The following CACNG3 variants were observed in gnomAD, a reference collection of about 807,000 sequenced individuals.
CACNG3 encodes the protein calcium voltage-gated channel auxiliary subunit gamma 3.
Under a neutral mutation model 28.5 loss-of-function variants are expected in CACNG3, and 3 were observed. The ratio of observed to expected loss-of-function variants is 0.11; its 90% CI spans 0.05 to 0.27. The LOEUF (loss-of-function observed/expected upper bound fraction) is 0.27. CACNG3 is among the 10% of genes least tolerant of loss of function. The probability of loss-of-function intolerance (pLI) is 1.00; values close to 1 mark genes in which losing one functional copy is unlikely to be tolerated. For synonymous variants in CACNG3, 174 were observed against 162.2 expected (o/e 1.07, Z -0.55); for missense variants, 236 against 414.4 (o/e 0.57, Z 3.74).
At chr16:24,360,520 A>T (rs776822172) in intron 3 of CACNG3, among the ~76,000 whole-genome samples, 15 of 152,224 alleles carry the variant, frequency 9.9e-5, no homozygotes, top group Non-Finnish European at 1.9e-4. Flanking sequence ...TCCTGTGCAG[A>T]TGAAAAGACT....
chr16:24,349,486 C>T (rs1008734485), intron 2 of CACNG3, among the ~76,000 whole-genome samples: 3 of 152,078 alleles, frequency 2.0e-5, no homozygotes, highest in African/African-American at 4.8e-5. Flanking sequence ...AAACAGGAGG[C>T]GAATTATTCA....
rs944447152 is a variant in CACNG3, at chr16:24,306,720, C to A, written c.212-40014C>A. ...ACTATCCCAGGCACAATAATAATAA[C>A]CTCTGCTTGCACTGCCATGCTAGAG... On this transcript the variant is annotated intron_variant, in intron 1 of 3. Transcript: ENST00000005284. 1.5e-4 allele frequency among the ~76,000 whole-genome samples: 23 copies of A among 152,262 alleles called. 3 individuals carry two copies. Among genetic ancestry groups the A allele is most frequent in the East Asian group, 9.7e-4 (5 of 5,178 alleles).
chr16:24,310,368 A>AG (rs142004422), intron 1 of CACNG3, among the ~76,000 whole-genome samples: 3,056 of 152,306 alleles, frequency 0.02, 107 homozygotes, highest in African/African-American at 0.069. Flanking sequence ...GTTCAAGACC[A>AG]GCCTGGCCAA....
intron 1 of CACNG3, among the ~76,000 whole-genome samples, chr16:24,283,127 T>C (rs994339): frequency 0.67 from 102,398 of 151,838 alleles, 34,669 homozygotes; most frequent in East Asian, 0.83. Flanking sequence ...CTTGGCCTCC[T>C]GAAGGACTCA....
At chr16:24,318,747 G>T (rs867175380) in intron 1 of CACNG3, among the ~76,000 whole-genome samples, 2 of 152,170 alleles carry the variant, frequency 1.3e-5, no homozygotes, top group South Asian at 4.1e-4. Context: ...TCTAACCAGA[G>T]GAAGGGCAGC....
At chr16:24,287,448 G>A (rs1004720119) in intron 1 of CACNG3, among the ~76,000 whole-genome samples, 12 of 150,408 alleles carry the variant, frequency 8.0e-5, no homozygotes, top group Admixed American at 6.6e-4. Context: ...AACCCAAGAG[G>A]CGGAGGTTGC....
intron 1 of CACNG3, among the ~76,000 whole-genome samples, chr16:24,316,985 G>A (rs1899360308): frequency 6.6e-6 from 1 of 152,168 alleles, no homozygotes; most frequent in Non-Finnish European, 1.5e-5. Context: ...ATAGCAGGGA[G>A]AAAATCTAAT....
chr16:24,310,338 C>T (rs1395154841), intron 1 of CACNG3, among the ~76,000 whole-genome samples: 9 of 151,990 alleles, frequency 5.9e-5, no homozygotes, highest in African/African-American at 1.2e-4. Context: ...CCAAGGTGGG[C>T]GGATCACTTG....
At chr16:24,305,504 T>C (rs1318387556) in intron 1 of CACNG3, among the ~76,000 whole-genome samples, 1 of 151,870 alleles carries the variant, frequency 6.6e-6, no homozygotes, top group African/African-American at 2.4e-5. Context: ...TGCACCCAGT[T>C]AATATTTTTT....
At chr16:24,295,908 A>G (rs1899025770) in intron 1 of CACNG3, among the ~76,000 whole-genome samples, 1 of 152,188 alleles carries the variant, frequency 6.6e-6, no homozygotes, top group Non-Finnish European at 1.5e-5. Context: ...TCTCCATTTT[A>G]CAGATGAAAA....
At chr16:24,262,046 G>A (rs945808828) in intron 1 of CACNG3, among the ~76,000 whole-genome samples, 16 of 152,186 alleles carry the variant, frequency 1.1e-4, no homozygotes, top group Middle Eastern at 3.4e-3. Context: ...TCCTGTCTCC[G>A]CCCAAGTAGA....
chr16:24,346,229 A>ATT (rs1220479473), intron 1 of CACNG3, among the ~76,000 whole-genome samples: 1 of 152,082 alleles, frequency 6.6e-6, no homozygotes, highest in Non-Finnish European at 1.5e-5. Flanking sequence ...CCTGCTTTGT[A>ATT]TTGTTTATCT....
Position 24,298,145 on chromosome 16 carries a change from C to T in CACNG3, c.211+41180C>T, listed in dbSNP as rs187557279. On this transcript the variant is annotated intron_variant, in intron 1 of 3. Coordinates refer to ENST00000005284, the MANE Select transcript of CACNG3 (RefSeq NM_006539.4). ...TATTCTCTTATCCCAAAGATAAACCCCTTCAAGTAAGTATATTTACATTTT... is the reference window on the plus strand; with the variant it reads ...TATTCTCTTATCCCAAAGATAAACCTCTTCAAGTAAGTATATTTACATTTT... Among the ~76,000 whole-genome samples the T allele has an allele frequency of 4.8e-3, 725 of 152,150 alleles. 16 individuals are homozygous for T. The highest frequency in any genetic ancestry group is 4.0e-3 in the Admixed American group (61 of 15,270).
chr16:24,349,874 C>G (rs1265714285), intron 2 of CACNG3, among the ~76,000 whole-genome samples: 1 of 152,188 alleles, frequency 6.6e-6, no homozygotes, highest in Non-Finnish European at 1.5e-5. Flanking sequence ...GTTTCCAACG[C>G]CTCTGACAGC....
At chr16:24,314,292 C>G (rs1899316307) in intron 1 of CACNG3, among the ~76,000 whole-genome samples, 2 of 152,130 alleles carry the variant, frequency 1.3e-5, no homozygotes, top group African/African-American at 4.8e-5. Context: ...GACAGTAGAG[C>G]ACTAAATGAA....
intron 1 of CACNG3, among the ~76,000 whole-genome samples, chr16:24,337,304 C>T (rs1395781114): frequency 6.6e-6 from 1 of 152,148 alleles, no homozygotes; most frequent in Non-Finnish European, 1.5e-5. Flanking sequence ...CGATTTCTCC[C>T]CCAGATTGCA....
At chr16:24,257,185 A>AT (rs1316354591) in intron 1 of CACNG3, among the ~76,000 whole-genome samples, 2 of 151,168 alleles carry the variant, frequency 1.3e-5, no homozygotes, top group African/African-American at 4.9e-5. Flanking sequence ...ATGAGATGAG[A>AT]TTTTTGTCAC....
intron 1 of CACNG3, among the ~76,000 whole-genome samples, chr16:24,293,920 T>A (rs1199919631): frequency 6.6e-6 from 1 of 152,164 alleles, no homozygotes; most frequent in Non-Finnish European, 1.5e-5. Context: ...AAATAAGCCT[T>A]GAATCTTCTA....
intron 3 of CACNG3, among the ~76,000 whole-genome samples, chr16:24,359,430 G>A (rs1900077578): frequency 6.6e-6 from 1 of 152,152 alleles, no homozygotes; most frequent in Admixed American, 6.5e-5. Context: ...ATAAGAAATA[G>A]CTCAGTGATG....
Sources: allele counts gnomAD v4.1 joint callset (sites outside exome capture counted in the v4.1 genomes callset), GRCh38; gene constraint gnomAD v4.1.1; transcripts MANE v1.5; gene names NCBI Gene and HGNC (gene_info 2026-07-23, HGNC 2026-07-21).